PLXNA2: variants seen among roughly 807,000 people sequenced by gnomAD.
PLXNA2 encodes the protein plexin-A2.
Under a neutral mutation model 193.5 loss-of-function variants are expected in PLXNA2, and 91 were observed. The ratio of observed to expected loss-of-function variants is 0.47; its 90% confidence interval spans 0.40 to 0.56. The LOEUF is 0.56. Ranked by LOEUF, PLXNA2 falls within the 20% of genes least tolerant of loss-of-function variation. PLXNA2 has a pLI of 0.00. For missense variants in PLXNA2, 1,995 were observed against 2,503.2 expected, an observed-to-expected ratio of 0.80 and a Z score of 4.33; for synonymous variants, 997 against 1,027.3, an observed-to-expected ratio of 0.97 and a Z score of 0.56.
At chr1:208,161,275 C>A (rs1196422691) in intron 3 of PLXNA2, among the ~76,000 whole-genome samples, 1 of 152,170 alleles carries the variant, frequency 6.6e-6, no homozygotes, top group African/African-American at 2.4e-5. Flanking sequence ...CCTTTTCTAC[C>A]CTCTCCCTCT....
At chr1:208,046,144 C>T in intron 17 of PLXNA2, 27 bp from the exon 18 acceptor site, 2 of 1,603,070 alleles carry the variant, frequency 1.2e-6, no homozygotes, top group South Asian at 1.1e-5. Context: ...GCAGCATTCA[C>T]ACACGGAGTG....
chr1:208,099,045 A>G, intron 5 of PLXNA2, 76 bp from the exon 6 acceptor site: 2 of 1,564,668 alleles, frequency 1.3e-6, no homozygotes, highest in Non-Finnish European at 1.7e-6. Context: ...CCTGGGCAGG[A>G]TGGGAGTTTG....
intron 4 of PLXNA2, among the ~76,000 whole-genome samples, chr1:208,114,297 T>C (rs914046655): frequency 6.6e-6 from 1 of 152,184 alleles, no homozygotes; most frequent in African/African-American, 2.4e-5. Context: ...GATACTTCCC[T>C]TAGAATCTGT....
intron 3 of PLXNA2, among the ~76,000 whole-genome samples, chr1:208,195,137 G>T (rs1670318416): frequency 6.6e-6 from 1 of 152,190 alleles, no homozygotes; most frequent in African/African-American, 2.4e-5. Context: ...CCAAGAAGTT[G>T]CTCCAAGATC....
intron 3 of PLXNA2, among the ~76,000 whole-genome samples, chr1:208,159,765 C>T (rs893101978): frequency 7.2e-5 from 11 of 152,172 alleles, no homozygotes; most frequent in East Asian, 1.9e-4. Context: ...TACTCAAAGC[C>T]GTAAGATTAT....
chr1:208,029,853 A>G (rs1308533778), intron 29 of PLXNA2: 64 of 985,548 alleles, frequency 6.5e-5, no homozygotes, highest in Non-Finnish European at 7.7e-5. Context: ...TGCTGCTTTT[A>G]CTTCCTTTTC....
intron 4 of PLXNA2, among the ~76,000 whole-genome samples, chr1:208,112,438 A>C (rs1039173152): frequency 6.6e-6 from 1 of 152,212 alleles, no homozygotes; most frequent in African/African-American, 2.4e-5. Flanking sequence ...TCTCTGTAAA[A>C]TGGTGACATT....
intron 1 of PLXNA2, among the ~76,000 whole-genome samples, chr1:208,219,708 C>G (rs1671259418): frequency 6.6e-6 from 1 of 152,184 alleles, no homozygotes; most frequent in Admixed American, 6.5e-5. Context: ...CACCGTGGTG[C>G]CACAGTAGGT....
chr1:208,187,439 G>A (rs1473224465), intron 3 of PLXNA2, among the ~76,000 whole-genome samples: 2 of 152,170 alleles, frequency 1.3e-5, no homozygotes, highest in Non-Finnish European at 2.9e-5. Context: ...TTGGAAGGGA[G>A]GGAAGCAGGA....
At chr1:208,094,025 G>C (rs1284475885) in intron 8 of PLXNA2, among the ~76,000 whole-genome samples, 2 of 152,070 alleles carry the variant, frequency 1.3e-5, no homozygotes, top group East Asian at 3.8e-4. Context: ...TAGTATGTTG[G>C]GTTGGTTAGC....
chr1:208,211,051 A>C (rs1207329696), intron 2 of PLXNA2, among the ~76,000 whole-genome samples: 1 of 152,240 alleles, frequency 6.6e-6, no homozygotes, highest in Non-Finnish European at 1.5e-5. Flanking sequence ...CTGGAAAGAG[A>C]TCAGAAGTGT....
intron 4 of PLXNA2, among the ~76,000 whole-genome samples, chr1:208,117,680 C>A (rs1457502538): frequency 3.9e-5 from 6 of 152,150 alleles, no homozygotes; most frequent in African/African-American, 7.2e-5. Flanking sequence ...CAGAAATATC[C>A]ACCAGGCCTG....
intron 12 of PLXNA2, among the ~76,000 whole-genome samples, chr1:208,067,350 A>G (rs1434360057): frequency 2.0e-5 from 3 of 152,020 alleles, no homozygotes; most frequent in Admixed American, 2.0e-4. Context: ...GTCTCAAAAA[A>G]AAAAAAAAAA....
chr1:208,028,123 A>G lies in PLXNA2; in HGVS notation c.5475T>C (p.Ser1825=). 6.2e-7 allele frequency: 1 copy of G among 1,613,430 alleles called. No homozygotes were observed. Among genetic ancestry groups the G allele is most frequent in the Non-Finnish European group, 8.5e-7 (1 of 1,179,666 alleles). ...YADIAKLPAI[S]DQDMNAYLAE... ...CGAGGTAGGCATTCATGTCCTGGTC[A>G]CTGATGGCTGGGAGCTTGGCGATGT... The change falls in exon 31 of 32, where the codon AGT becomes AGC. Residue 1825 remains serine, a synonymous_variant. Coordinates refer to ENST00000367033, the MANE Select transcript of PLXNA2 (RefSeq NM_025179.4). The surrounding 1 kb of genome is among the most constrained non-coding windows in gnomAD (Gnocchi z 4.2).
chr1:208,035,977 C>T (rs1425787097), intron 26 of PLXNA2, among the ~76,000 whole-genome samples: 1 of 152,182 alleles, frequency 6.6e-6, no homozygotes, highest in Non-Finnish European at 1.5e-5. Flanking sequence ...TTTTCTTCTG[C>T]AAGGGCTCCA....
At chr1:208,139,699 G>A (rs1380315139) in intron 4 of PLXNA2, among the ~76,000 whole-genome samples, 2 of 152,134 alleles carry the variant, frequency 1.3e-5, no homozygotes, top group East Asian at 1.9e-4. Flanking sequence ...AACACAAGCT[G>A]GACTAGAACC....
intron 3 of PLXNA2, among the ~76,000 whole-genome samples, chr1:208,176,830 C>A (rs921523980): frequency 3.9e-4 from 60 of 152,240 alleles, no homozygotes; most frequent in African/African-American, 1.4e-3. Context: ...CCCTAGCCTG[C>A]CTGTCAGCTG....
At chr1:208,035,811 T>G (rs1664653675) in intron 26 of PLXNA2, among the ~76,000 whole-genome samples, 1 of 152,182 alleles carries the variant, frequency 6.6e-6, no homozygotes, top group Non-Finnish European at 1.5e-5. Context: ...CAAAAAAGAA[T>G]TAAATGTGGG....
intron 4 of PLXNA2, among the ~76,000 whole-genome samples, chr1:208,136,175 T>A (rs1470891797): frequency 1.3e-5 from 2 of 152,144 alleles, no homozygotes; most frequent in Non-Finnish European, 2.9e-5. Flanking sequence ...ATTTGTGTCA[T>A]CCTAGCAGAG....
Sources: allele counts gnomAD v4.1 joint callset (sites outside exome capture counted in the v4.1 genomes callset), GRCh38; gene constraint gnomAD v4.1.1; non-coding constraint Gnocchi (gnomAD v3.1); transcripts MANE v1.5; gene names NCBI Gene and HGNC (gene_info 2026-07-23, HGNC 2026-07-21).